Variants in STK26 observed in about 807,000 individuals in gnomAD.
The protein encoded by STK26 is serine/threonine-protein kinase 26.
STK26 carries 14 observed loss-of-function variants against 34.7 expected under a neutral mutation model. The ratio of observed to expected loss-of-function variants is 0.40; its 90% confidence interval spans 0.27 to 0.63. The LOEUF is 0.63. STK26 is among the 30% of genes least tolerant of loss of function. The pLI is 0.38. For missense variants in STK26, 226 were observed against 309.1 expected (o/e 0.73, Z 2.02); for synonymous variants, 100 against 109.8 (o/e 0.91, Z 0.56).
chrX:132,032,665 C>T (rs1160033523), intron 2 of STK26, among the ~76,000 whole-genome samples: 1 of 111,520 alleles, frequency 9.0e-6, no homozygotes. Context: ...ATTCAACCAT[C>T]AATGGGGTTT....
At chrX:132,043,869 C>T (rs957630057) in intron 2 of STK26, among the ~76,000 whole-genome samples, 11 of 111,321 alleles carry the variant, frequency 9.9e-5, no homozygotes, top group Admixed American at 1.9e-4. Flanking sequence ...AGTATAGCTC[C>T]GTATTCTTTC....
intron 2 of STK26, among the ~76,000 whole-genome samples, chrX:132,043,472 C>T (rs1439877312): frequency 2.7e-5 from 3 of 111,089 alleles, no homozygotes; most frequent in South Asian, 7.5e-4. Flanking sequence ...ATGGCCTTTT[C>T]CCCCTTTCCA....
chrX:132,066,097 A>C (rs1055375085), intron 4 of STK26, among the ~76,000 whole-genome samples: 3 of 111,777 alleles, frequency 2.7e-5, no homozygotes, highest in Non-Finnish European at 5.6e-5. Flanking sequence ...TAAGATTACA[A>C]CTTGTCATTT....
chrX:132,041,655 T>A (rs1048548623), intron 2 of STK26, among the ~76,000 whole-genome samples: 21 of 109,495 alleles, frequency 1.9e-4, no homozygotes, highest in African/African-American at 4.0e-4. Flanking sequence ...GTATAAAATT[T>A]AAAAAAAAAG....
At chrX:132,053,696 A>G (rs1297558674) in intron 2 of STK26, among the ~76,000 whole-genome samples, 3 of 111,940 alleles carry the variant, frequency 2.7e-5, no homozygotes, top group African/African-American at 9.7e-5. Context: ...TTTTTGATTA[A>G]TAAAGCACTT....
chrX:132,038,018 A>T (rs181338263), intron 2 of STK26, among the ~76,000 whole-genome samples: 4 of 109,923 alleles, frequency 3.6e-5, no homozygotes, highest in East Asian at 5.7e-4. Flanking sequence ...GTTGCTATGG[A>T]TCTTCTATCT....
At chrX:132,047,183 G>A (rs1446748447) in intron 2 of STK26, among the ~76,000 whole-genome samples, 3 of 111,623 alleles carry the variant, frequency 2.7e-5, no homozygotes, top group Non-Finnish European at 3.8e-5. Flanking sequence ...ATAAATCACA[G>A]GGATCTCTAA....
intron 2 of STK26, among the ~76,000 whole-genome samples, chrX:132,048,281 T>C (rs1034710287): frequency 8.9e-6 from 1 of 112,104 alleles, no homozygotes; most frequent in African/African-American, 3.2e-5. Flanking sequence ...AGTTTAAATA[T>C]AGAAAAGTCC....
chrX:132,061,684 A>G (rs1927059233), intron 3 of STK26, among the ~76,000 whole-genome samples: 1 of 111,888 alleles, frequency 8.9e-6, no homozygotes, highest in Non-Finnish European at 1.9e-5. Context: ...ACCCTAGGCC[A>G]CATCCCATTC....
At chrX:132,035,873 A>G (rs1414131798) in intron 2 of STK26, among the ~76,000 whole-genome samples, 1 of 104,085 alleles carries the variant, frequency 9.6e-6, no homozygotes, top group Non-Finnish European at 2.0e-5. Context: ...ACACACACAC[A>G]CACTCATTCA....
At chrX:132,043,474 C>T (rs1440848363) in intron 2 of STK26, among the ~76,000 whole-genome samples, 1 of 111,093 alleles carries the variant, frequency 9.0e-6, no homozygotes, top group Non-Finnish European at 1.9e-5. Flanking sequence ...GGCCTTTTCC[C>T]CCTTTCCAAA....
intron 2 of STK26, among the ~76,000 whole-genome samples, chrX:132,029,118 G>C (rs1925729034): frequency 9.0e-6 from 1 of 111,505 alleles, no homozygotes; most frequent in African/African-American, 3.3e-5. Context: ...ACAGGAATTG[G>C]GTATGATAGG....
chrX:132,074,695 C>A lies in STK26; in HGVS notation c.*536C>A, dbSNP rs1025891619. 1.8e-5 allele frequency: 2 copies of A among 110,891 alleles called. No homozygotes were observed. The highest frequency in any genetic ancestry group is 6.5e-5 in the African/African-American group (2 of 30,537). 9.1% of individuals were successfully genotyped at this position (110,891 alleles called of 1,213,427 possible). ...ACCTGTAAAAGTATTGACTCTTCTA[C>A]CAAGTTGGTATGATATTCCAGGCAG... On this transcript the variant is annotated 3_prime_UTR_variant, in exon 12 of 12. Transcript: ENST00000394334.
intron 2 of STK26, among the ~76,000 whole-genome samples, chrX:132,030,117 A>G (rs1925775151): frequency 8.9e-6 from 1 of 112,087 alleles, no homozygotes; most frequent in Non-Finnish European, 1.9e-5. Context: ...TGTAGACTCT[A>G]TACTTATTTA....
intron 2 of STK26, among the ~76,000 whole-genome samples, chrX:132,051,028 T>C (rs1926669509): frequency 9.0e-6 from 1 of 111,640 alleles, no homozygotes; most frequent in Non-Finnish European, 1.9e-5. Context: ...AAAAGTGATA[T>C]AGGTAGTTCT....
chrX:132,065,244 A>G (rs1218472870), intron 4 of STK26, among the ~76,000 whole-genome samples: 1 of 111,773 alleles, frequency 8.9e-6, no homozygotes, highest in African/African-American at 3.3e-5. Flanking sequence ...TCTCATTTCT[A>G]TTTGTCTTGT....
chrX:132,024,556 T>G (rs1308755605), intron 2 of STK26, among the ~76,000 whole-genome samples: 1 of 111,999 alleles, frequency 8.9e-6, no homozygotes, highest in Non-Finnish European at 1.9e-5. Flanking sequence ...TTCTATTTTT[T>G]TTTCCTTTGC....
intron 2 of STK26, among the ~76,000 whole-genome samples, chrX:132,031,181 C>A (rs5933047): frequency 0.34 from 37,884 of 110,455 alleles, 5,135 homozygotes; most frequent in African/African-American, 0.44. Flanking sequence ...CAAGCGATCC[C>A]CCATGCTTGG....
chrX:132,040,357 T>C (rs760760528), intron 2 of STK26, among the ~76,000 whole-genome samples: 10 of 112,577 alleles, frequency 8.9e-5, no homozygotes, highest in Non-Finnish European at 1.5e-4. Context: ...AGTAACTGAC[T>C]TGCCTATTGG....
Sources: gnomAD v4.1 joint callset for allele counts (sites outside exome capture counted in the v4.1 genomes callset) on GRCh38, gnomAD v4.1.1 for gene constraint, MANE v1.5 for transcripts, NCBI Gene and HGNC (gene_info 2026-07-23, HGNC 2026-07-21) for gene names.